EMG1: variants seen among roughly 807,000 people sequenced by gnomAD.
EMG1 encodes EMG1 N1-specific pseudouridine methyltransferase.
A neutral mutation model predicts 26.9 loss-of-function variants in EMG1; 24 were observed. The ratio of observed to expected loss-of-function variants is 0.89; its 90% CI spans 0.65 to 1.26. The LOEUF (loss-of-function observed/expected upper bound fraction) is 1.26, where lower values mean the gene tolerates loss of function less well. EMG1 is among the 50% of genes most tolerant of loss of function. EMG1 has a pLI of 0.00. For missense variants in EMG1, 299 were observed against 307.6 expected, an observed-to-expected ratio of 0.97 and a Z score of 0.21; for synonymous variants, 140 against 112.6, an observed-to-expected ratio of 1.24 and a Z score of -1.54.
chr12:6,974,382 C>T lies in EMG1; in HGVS notation c.212C>T (p.Ser71Phe). ...YELLNCDKHK[S>F]ILLKNGRDPG... ...CTACTCAACTGTGACAAGCACAAGTCTATATTGTTGAAGAATGGACGGGAC... is the reference window on the plus strand; with the variant it reads ...CTACTCAACTGTGACAAGCACAAGTTTATATTGTTGAAGAATGGACGGGAC... The change falls in exon 2 of 6, where the codon TCT becomes TTT. Residue 71 changes from serine to phenylalanine, a missense_variant. By Grantham distance (155) the Ser-to-Phe change is radical. Coordinates refer to ENST00000599672, the MANE Select transcript of EMG1 (RefSeq NM_006331.8). 2 of 1,613,824 alleles carry T rather than the reference C, an allele frequency of 1.2e-6. No homozygotes were observed. The highest frequency in any genetic ancestry group is 2.2e-5 in the South Asian group (2 of 91,066).
intron 1 of EMG1, among the ~76,000 whole-genome samples, chr12:6,972,266 G>C (rs1185831261): frequency 2.0e-5 from 3 of 152,052 alleles, no homozygotes; most frequent in Non-Finnish European, 4.4e-5. Flanking sequence ...CTACTAATGG[G>C]TTGAAACTGT....
chr12:6,971,619 C>T (rs1388725163), intron 1 of EMG1, among the ~76,000 whole-genome samples: 2 of 152,168 alleles, frequency 1.3e-5, no homozygotes, highest in Admixed American at 1.3e-4. Flanking sequence ...GATATTCTAG[C>T]CCTCACCTCC....
chr12:6,981,500 C>T (rs782070585), downstream of EMG1: 10 of 1,223,494 alleles, frequency 8.2e-6, no homozygotes, highest in African/African-American at 1.5e-5. Context: ...GAGGGAGAGG[C>T]TCCGCTCTGG....
chr12:6,977,566 T>C lies in EMG1; in HGVS notation c.*1757T>C, dbSNP rs1946421746. ...GAGCTCATCAGCATCTTGTCCCTTA[T>C]ATTCCCCTTCACCCCCACCCTGGAG... On this transcript the variant is annotated 3_prime_UTR_variant, in exon 6 of 6. Transcript: ENST00000599672. The surrounding 1 kb of genome is among the most constrained non-coding windows in gnomAD (Gnocchi z 4.5). The C allele has an allele frequency of 2.5e-6, 4 of 1,614,056 alleles. No homozygotes were observed. The highest frequency in any genetic ancestry group is 1.1e-5 in the South Asian group (1 of 91,084).
intron 7 of EMG1, among the ~76,000 whole-genome samples, chr12:6,994,582 T>G (rs1946620744): frequency 6.6e-6 from 1 of 152,192 alleles, no homozygotes; most frequent in African/African-American, 2.4e-5. Context: ...TCCTCCCACC[T>G]GAGCCTCCCT....
rs373473870 is a variant in EMG1 at position 6,974,353 on chromosome 12, T to A, written c.183T>A (p.Tyr61Ter). The A allele has an allele frequency of 3.7e-6, 6 of 1,612,502 alleles. No homozygotes were observed. The African/African-American group carries it at 5.3e-5, about 14-fold the overall frequency. The change falls in exon 2 of 6, where the codon TAT becomes TAA. Residue 61 changes from tyrosine to a stop codon, truncating the protein, a stop_gained. Coordinates refer to ENST00000599672, the MANE Select transcript of EMG1 (RefSeq NM_006331.8). LOFTEE classifies it high-confidence loss of function. ...CTGTTCTTCAGGTAGGGAAGACATA[T>A]GAGCTACTCAACTGTGACAAGCACA... is the stretch of plus-strand genomic sequence containing the variant. ...SLETVKVGKT[Y>*]ELLNCDKHKS...
chr12:6,987,659 C>T lies in EMG1; in HGVS notation c.*155-123C>T. On this transcript the variant is annotated intron_variant and NMD_transcript_variant, in intron 6 of 7. Transcript: ENST00000261406. This position sits in a 1 kb window ranked among gnomAD's most constrained non-coding sequence, Gnocchi z 4.1. ...TATCTAGAGCACTCATAAATAAGTT[C>T]TAGGTAGCTAAGTTTCTCTCTTTAA... 2.5e-6 allele frequency: 1 copy of T among 395,262 alleles called. No homozygotes were observed. Among genetic ancestry groups the T allele is most frequent in the East Asian group, 3.6e-5 (1 of 27,890 alleles). 24.5% of individuals were successfully genotyped at this position (395,262 alleles called of 1,614,324 possible).
In EMG1 at chr12:6,979,909, G is replaced by T. The variant is rs1183556759; in HGVS notation, c.*4100G>T. The stretch of plus-strand genomic sequence containing the variant: ...CATTGGGACTGAAAACCCAGTGGAG[G>T]TAAGATAATAAAAATAACCACTTTG... On this transcript the variant is annotated 3_prime_UTR_variant, in exon 6 of 6. Coordinates refer to ENST00000599672, the MANE Select transcript of EMG1 (RefSeq NM_006331.8). 4.0e-6 allele frequency: 1 copy of T among 250,952 alleles called. No homozygotes were observed. Among genetic ancestry groups the T allele is most frequent in the Non-Finnish European group, 7.5e-6 (1 of 132,492 alleles). 15.5% of individuals were successfully genotyped at this position (250,952 alleles called of 1,614,324 possible). A position where few individuals can be genotyped will look rare whatever the true frequency, so the allele number is the denominator to read the frequency against.
chr12:6,977,731 C>A lies in EMG1; in HGVS notation c.*1922C>A. 1.9e-6 allele frequency: 3 copies of A among 1,613,980 alleles called. No individual in the cohort carries two copies. The South Asian group carries it at 3.3e-5, about 18-fold the overall frequency. On this transcript the variant is annotated 3_prime_UTR_variant, in exon 6 of 6. Transcript: ENST00000599672. This position sits in a 1 kb window ranked among gnomAD's most constrained non-coding sequence, Gnocchi z 4.5. ...TTCTTTATTTCCAAGGAACTTGAGT[C>A]GTTTGAAGATGTAGCTGGAGAAAAG...
At chr12:6,981,857 A>G (rs782366479), downstream of EMG1, 63 of 1,613,964 alleles carry the variant, frequency 3.9e-5, no homozygotes, top group South Asian at 6.6e-5. Flanking sequence ...TCCACTTGAT[A>G]TCGTAGTTGC....
At chr12:6,997,011 A>G (rs199710511) in intron 7 of EMG1, among the ~76,000 whole-genome samples, 2 of 106,230 alleles carry the variant, frequency 1.9e-5, no homozygotes, top group Middle Eastern at 4.4e-3. Flanking sequence ...GATAAATGGG[A>G]AAAAAAAAAT....
At chr12:6,988,892 C>T (rs1408147957), downstream of EMG1, among the ~76,000 whole-genome samples, 4 of 151,986 alleles carry the variant, frequency 2.6e-5, no homozygotes, top group South Asian at 2.1e-4. Flanking sequence ...TTTGGGAGGC[C>T]GAGGCAGGCG....
At chr12:6,985,356 A>G (rs1555154690) in intron 6 of EMG1, among the ~76,000 whole-genome samples, 1 of 151,730 alleles carries the variant, frequency 6.6e-6, no homozygotes, top group East Asian at 1.9e-4. Context: ...AGATGGCACC[A>G]CTGCACTCCA....
chr12:6,995,025 C>T (rs1369336084), intron 7 of EMG1, among the ~76,000 whole-genome samples: 1 of 152,156 alleles, frequency 6.6e-6, no homozygotes, highest in African/African-American at 2.4e-5. Context: ...ACATTTCCTA[C>T]TTCCTTGCTG....
intron 5 of EMG1, 90 bp downstream of exon 5, chr12:6,975,468 A>G (rs1395988330): frequency 2.1e-5 from 29 of 1,355,350 alleles, no homozygotes; most frequent in East Asian, 2.0e-4. Context: ...AATGCTTACA[A>G]TGAGCTAGAA....
downstream of EMG1, among the ~76,000 whole-genome samples, chr12:6,980,188 T>C (rs1174591843): frequency 6.6e-6 from 1 of 151,976 alleles, no homozygotes; most frequent in Admixed American, 6.6e-5. Flanking sequence ...GCTGGGACTA[T>C]AGGCATGTAC....
downstream of EMG1, chr12:6,981,187 G>A: frequency 6.2e-7 from 1 of 1,601,940 alleles, no homozygotes; most frequent in Non-Finnish European, 8.5e-7. Flanking sequence ...GGAATTCTAT[G>A]CCAAGAAGAG....
intron 1 of EMG1, among the ~76,000 whole-genome samples, chr12:6,973,154 C>G (rs1223552985): frequency 6.6e-6 from 1 of 151,852 alleles, no homozygotes; most frequent in Non-Finnish European, 1.5e-5. Context: ...TGTCTTGATT[C>G]CATCTGTACC....
intron 7 of EMG1, among the ~76,000 whole-genome samples, chr12:6,994,507 C>G (rs1946619568): frequency 6.6e-6 from 1 of 151,342 alleles, no homozygotes; most frequent in East Asian, 1.9e-4. Flanking sequence ...CGGGCTGTTG[C>G]CCACGCTGGA....
Sources: allele counts gnomAD v4.1 joint callset (sites outside exome capture counted in the v4.1 genomes callset), GRCh38; gene constraint gnomAD v4.1.1; non-coding constraint Gnocchi (gnomAD v3.1); transcripts MANE v1.5; gene names NCBI Gene and HGNC (gene_info 2026-07-23, HGNC 2026-07-21).